Variants in CSMD1 observed in about 807,000 individuals in gnomAD.
CSMD1 encodes CUB and sushi domain-containing protein 1.
In CSMD1, 213 loss-of-function variants were observed where a neutral mutation model predicts 417.5. That is an observed-to-expected ratio of 0.51 (90% confidence interval 0.46 to 0.57). The LOEUF is 0.57. CSMD1 is among the 20% of genes least tolerant of loss of function. The probability of loss-of-function intolerance (pLI) is 0.00; values close to 1 mark genes in which losing one functional copy is unlikely to be tolerated. For synonymous variants in CSMD1, 2,862 were observed against 1,736.8 expected (o/e 1.65, Z -16.11); for missense variants, 6,923 against 4,529.7 (o/e 1.53, Z -15.17).
chr8:4,584,157 C>T (rs1031953242), intron 2 of CSMD1, among the ~76,000 whole-genome samples: 1 of 152,040 alleles, frequency 6.6e-6, no homozygotes, highest in African/African-American at 2.4e-5. Context: ...GACGCGCCAC[C>T]TTAAGAACTG....
At chr8:4,887,145 T>C (rs1257666854) in intron 1 of CSMD1, among the ~76,000 whole-genome samples, 2 of 152,094 alleles carry the variant, frequency 1.3e-5, no homozygotes, top group Non-Finnish European at 2.9e-5. Flanking sequence ...CAGTTTTACC[T>C]GCATTCCATA....
intron 5 of CSMD1, among the ~76,000 whole-genome samples, chr8:3,873,859 G>C (rs1305795020): frequency 6.6e-6 from 1 of 152,166 alleles, no homozygotes; most frequent in East Asian, 1.9e-4. Flanking sequence ...GAACACAGAG[G>C]AGATATTCAT....
chr8:4,785,984 G>T (rs776624059), intron 1 of CSMD1, among the ~76,000 whole-genome samples: 1 of 152,170 alleles, frequency 6.6e-6, no homozygotes, highest in African/African-American at 2.4e-5. Flanking sequence ...CTGCATGGTA[G>T]CCAGGTTAGT....
Position 4,140,859 on chromosome 8 carries a change from G to C in CSMD1, c.416-108760C>G, listed in dbSNP as rs904951299. Among the ~76,000 whole-genome samples the C allele has an allele frequency of 2.6e-5, 4 of 150,972 alleles. 1 individual carries two copies. Among genetic ancestry groups the C allele is most frequent in the East Asian group, 3.9e-4 (2 of 5,172 alleles). ...GGTTTCAAATCAAATCTCTGCCCAA[G>C]AGGGCATTTGGGAGATTGCTGATCG... is the stretch of plus-strand genomic sequence containing the variant. On this transcript the variant is annotated intron_variant, in intron 3 of 69. Coordinates refer to ENST00000635120, the MANE Select transcript of CSMD1 (RefSeq NM_033225.6).
intron 5 of CSMD1, among the ~76,000 whole-genome samples, chr8:3,972,802 T>G (rs1288306650): frequency 6.6e-6 from 1 of 152,228 alleles, no homozygotes; most frequent in Admixed American, 6.5e-5. Flanking sequence ...ATCTATTTTA[T>G]GGGAATAATT....
Position 3,630,333 on chromosome 8 carries a change from A to T in CSMD1, c.1010-13536T>A, listed in dbSNP as rs547176468. Among the ~76,000 whole-genome samples the T allele has an allele frequency of 3.9e-5, 6 of 152,350 alleles. No individual in the cohort carries two copies. In the South Asian group the frequency reaches 1.2e-3, roughly 32 times the overall value. ...AATTACCTAAGGTAAGAGTGAATTT[A>T]AAAACCCTCTTGCCCAGTAAACAGC... On this transcript the variant is annotated intron_variant, in intron 7 of 69. Transcript: ENST00000635120.
At chr8:3,523,213 C>T (rs1055570389) in intron 10 of CSMD1, among the ~76,000 whole-genome samples, 1 of 152,098 alleles carries the variant, frequency 6.6e-6, no homozygotes, top group Non-Finnish European at 1.5e-5. Flanking sequence ...ATAATTATCC[C>T]GCATGCTATG....
intron 1 of CSMD1, among the ~76,000 whole-genome samples, chr8:4,897,641 T>A (rs1026834006): frequency 6.6e-6 from 1 of 152,024 alleles, no homozygotes; most frequent in Admixed American, 6.5e-5. Flanking sequence ...TAATGTCCAA[T>A]AATATGATAT....
intron 10 of CSMD1, among the ~76,000 whole-genome samples, chr8:3,501,454 A>G (rs1796597271): frequency 6.6e-6 from 1 of 152,202 alleles, no homozygotes; most frequent in African/African-American, 2.4e-5. Context: ...ATATTTTATA[A>G]TTTTCCAAGA....
At chr8:3,929,318 T>C (rs946328026) in intron 5 of CSMD1, among the ~76,000 whole-genome samples, 1 of 150,592 alleles carries the variant, frequency 6.6e-6, no homozygotes, top group Admixed American at 6.6e-5. Flanking sequence ...AAAACTCATC[T>C]TCCAGGTACA....
chr8:4,032,413 T>C lies in CSMD1; in HGVS notation c.416-314A>G, dbSNP rs1238177876. Among the ~76,000 whole-genome samples the C allele has an allele frequency of 3.3e-5, 5 of 150,606 alleles. No individual in the cohort carries two copies. In the South Asian group the frequency reaches 1.1e-3, roughly 32 times the overall value. On this transcript the variant is annotated intron_variant, in intron 3 of 69. Transcript: ENST00000635120. ...ATTTTTCTAGTCACAAAATTCTACTTACTCCTATAGTGAGCAACCAGATGT... is the reference window on the plus strand; with the variant it reads ...ATTTTTCTAGTCACAAAATTCTACTCACTCCTATAGTGAGCAACCAGATGT...
chr8:4,257,780 G>A (rs75547692), intron 3 of CSMD1, among the ~76,000 whole-genome samples: 1,729 of 152,282 alleles, frequency 0.011, 82 homozygotes, highest in Admixed American at 0.085. Context: ...CATCCGCCTC[G>A]TAGGAATGCC....
chr8:4,410,417 C>G (rs931317022), intron 3 of CSMD1, among the ~76,000 whole-genome samples: 12 of 152,114 alleles, frequency 7.9e-5, no homozygotes, highest in African/African-American at 2.9e-4. Context: ...TTAATTTTCC[C>G]TAACACTTTG....
chr8:4,242,784 T>C (rs937265569), intron 3 of CSMD1, among the ~76,000 whole-genome samples: 1 of 152,198 alleles, frequency 6.6e-6, no homozygotes, highest in African/African-American at 2.4e-5. Flanking sequence ...GGTAATTTAT[T>C]CATTTATAAA....
intron 40 of CSMD1, among the ~76,000 whole-genome samples, chr8:3,148,843 G>C (rs762645770): frequency 1.3e-5 from 2 of 152,126 alleles, no homozygotes; most frequent in African/African-American, 2.4e-5. Flanking sequence ...ACTGTTTAGA[G>C]GTTATAGAAT....
At chr8:3,369,474 T>C (rs942922630) in intron 18 of CSMD1, 104 bp from the exon 19 acceptor site, 53 of 628,172 alleles carry the variant, frequency 8.4e-5, no homozygotes, top group Non-Finnish European at 1.4e-4. Flanking sequence ...GATTAACAAA[T>C]TTAATGTCAT....
intron 6 of CSMD1, among the ~76,000 whole-genome samples, chr8:3,712,400 GACAGACAGACAGAC>G (rs767976558): frequency 2.2e-4 from 21 of 94,296 alleles, no homozygotes; most frequent in South Asian, 3.9e-4. Flanking sequence ...GAGAGAGAGA[GACAGACAGACAGAC>G]AGACAGACAG....
chr8:2,942,849 G>C (rs1427244022), intron 68 of CSMD1, among the ~76,000 whole-genome samples: 3 of 152,166 alleles, frequency 2.0e-5, no homozygotes, highest in East Asian at 3.9e-4. Context: ...TAAAATGTGA[G>C]AAAGGCAAAA....
chr8:3,323,459 T>C (rs1444551255), intron 23 of CSMD1, among the ~76,000 whole-genome samples: 1 of 152,138 alleles, frequency 6.6e-6, no homozygotes, highest in Non-Finnish European at 1.5e-5. Flanking sequence ...CCTCTCTCTC[T>C]CTCTCACATA....
Sources: allele counts gnomAD v4.1 joint callset (sites outside exome capture counted in the v4.1 genomes callset), GRCh38; gene constraint gnomAD v4.1.1; transcripts MANE v1.5; gene names NCBI Gene and HGNC (gene_info 2026-07-23, HGNC 2026-07-21).